The following FILIP1L variants were observed in gnomAD, a reference collection of about 807,000 sequenced individuals.
FILIP1L encodes the protein filamin A-interacting protein 1-like.
In FILIP1L, 55 loss-of-function variants were observed where a neutral mutation model predicts 96.6. The ratio of observed to expected loss-of-function variants is 0.57; its 90% CI spans 0.46 to 0.71. FILIP1L has a LOEUF of 0.71. Among genes scored for constraint, FILIP1L ranks in the 30% least tolerant of loss-of-function variants. FILIP1L has a pLI of 0.00. For synonymous variants in FILIP1L, 467 were observed against 473.9 expected (o/e 0.99, Z 0.19); for missense variants, 1,304 against 1,321.2 (o/e 0.99, Z 0.20).
At chr3:99,903,000 G>C (rs533857113) in intron 4 of FILIP1L, among the ~76,000 whole-genome samples, 2 of 152,132 alleles carry the variant, frequency 1.3e-5, no homozygotes, top group African/African-American at 4.8e-5. Flanking sequence ...GAGGTTTCAT[G>C]ATTAAGGATA....
intron 5 of FILIP1L, among the ~76,000 whole-genome samples, chr3:99,833,511 T>G (rs1942773113): frequency 6.6e-6 from 1 of 152,226 alleles, no homozygotes; most frequent in African/African-American, 2.4e-5. Flanking sequence ...TTCTTCCACT[T>G]TATCATGGAG....
At chr3:100,110,729 C>G (rs908835840) in intron 1 of FILIP1L, among the ~76,000 whole-genome samples, 2 of 152,132 alleles carry the variant, frequency 1.3e-5, no homozygotes, top group Non-Finnish European at 1.5e-5. Context: ...CCTGTGCTTA[C>G]CATTTTTCCA....
intron 1 of FILIP1L, among the ~76,000 whole-genome samples, chr3:100,101,909 T>C (rs924011345): frequency 2.0e-5 from 3 of 152,124 alleles, no homozygotes. Context: ...CTGAGAATGA[T>C]GGTTTCCAGC....
chr3:100,006,624 T>A (rs1709994972), intron 1 of FILIP1L, among the ~76,000 whole-genome samples: 1 of 151,994 alleles, frequency 6.6e-6, no homozygotes, highest in African/African-American at 2.4e-5. Context: ...ATGATGAGAA[T>A]TCAGCTCATT....
At chr3:100,042,986 A>G (rs1280565740) in intron 1 of FILIP1L, among the ~76,000 whole-genome samples, 3 of 152,270 alleles carry the variant, frequency 2.0e-5, no homozygotes, top group Non-Finnish European at 2.9e-5. Flanking sequence ...CATTCGCAGA[A>G]CAAGAGGGAT....
rs772112720 is a variant in FILIP1L at position 100,030,667 on chromosome 3, CCTT to C, written c.-11+83383_-11+83385del. On this transcript the variant is annotated intron_variant, in intron 1 of 5. Transcript: ENST00000477258. ...ATCATTGTCCCCACAACTAATTTAA[CCTT>C]CTACATTAAACCAGTATCCAATAAC... 2.0e-5 allele frequency among the ~76,000 whole-genome samples: 3 copies of C among 152,256 alleles called. No individual in the cohort carries two copies. The East Asian group carries it at 5.8e-4, about 29-fold the overall frequency.
chr3:100,003,796 T>TATTGAGATGCTAAAAGTCAA (rs1709910346), intron 1 of FILIP1L, among the ~76,000 whole-genome samples: 1 of 152,212 alleles, frequency 6.6e-6, no homozygotes, highest in Admixed American at 6.5e-5. Flanking sequence ...GTATATTTAT[T>TATTGAGATGCTAAAAGTCAA]GAGCAATAAC....
rs16846956 is a variant in FILIP1L, at chr3:99,889,770, A to G, written c.605+34460T>C. Among the ~76,000 whole-genome samples, 977 of 152,160 alleles carry G rather than the reference A, an allele frequency of 6.4e-3. 10 individuals carry two copies. Among genetic ancestry groups the G allele is most frequent in the African/African-American group, 0.022 (926 of 41,550 alleles). On this transcript the variant is annotated intron_variant, in intron 4 of 5. Coordinates refer to ENST00000477258, the MANE Select transcript of FILIP1L (RefSeq NM_001387850.1). ...TTCCATCTCACAAGTTAAATTCTCAAAAGTCTAAAGCTACTCAGTATATTA... is the reference window on the plus strand; with the variant it reads ...TTCCATCTCACAAGTTAAATTCTCAGAAGTCTAAAGCTACTCAGTATATTA...
chr3:100,054,102 C>T (rs2065420569), intron 1 of FILIP1L, among the ~76,000 whole-genome samples: 2 of 152,166 alleles, frequency 1.3e-5, no homozygotes, highest in South Asian at 4.1e-4. Context: ...AAAAGCTGGC[C>T]AAGGGTCAAA....
chr3:99,901,543 G>A (rs926001192), intron 4 of FILIP1L, among the ~76,000 whole-genome samples: 19 of 152,138 alleles, frequency 1.2e-4, no homozygotes, highest in Admixed American at 1.0e-3. Context: ...CCAGATGTTC[G>A]TCGGGAAAGC....
chr3:100,083,493 G>A (rs190064976), intron 1 of FILIP1L, among the ~76,000 whole-genome samples: 47 of 152,276 alleles, frequency 3.1e-4, no homozygotes, highest in African/African-American at 1.1e-3. Context: ...AATGCACAGC[G>A]AGATTTCAGA....
intron 1 of FILIP1L, chr3:100,041,241 T>C (rs1014120405): frequency 2.0e-5 from 3 of 152,184 alleles, no homozygotes; most frequent in Non-Finnish European, 2.9e-5. Context: ...CTACCTGTGT[T>C]CCAAGTTAAT....
At chr3:100,007,291 T>C (rs1168276586) in intron 1 of FILIP1L, among the ~76,000 whole-genome samples, 1 of 152,212 alleles carries the variant, frequency 6.6e-6, no homozygotes, top group Non-Finnish European at 1.5e-5. Flanking sequence ...GATGAAAATA[T>C]CTTATTTCCT....
chr3:99,988,719 T>TA (rs761472478), intron 1 of FILIP1L, among the ~76,000 whole-genome samples: 19 of 152,206 alleles, frequency 1.2e-4, no homozygotes, highest in Non-Finnish European at 1.3e-4. Context: ...CCTTTAAACA[T>TA]AAAAAAAGCA....
chr3:100,102,476 T>C lies in FILIP1L; in HGVS notation c.-11+11577A>G, dbSNP rs776800043. Among the ~76,000 whole-genome samples the C allele has an allele frequency of 2.2e-4, 33 of 152,368 alleles. 1 individual carries two copies. In the South Asian group the frequency reaches 3.3e-3, roughly 15 times the overall value. On this transcript the variant is annotated intron_variant, in intron 1 of 5. Coordinates refer to ENST00000477258, the MANE Select transcript of FILIP1L (RefSeq NM_001387850.1). ...GGATCCTCATCAGCGTGATTTCTGC[T>C]TCTCCACAGGTGTGAGATCTCTCTT...
intron 5 of FILIP1L, chr3:99,833,170 G>C (rs1200066289): frequency 1.4e-6 from 2 of 1,425,984 alleles, no homozygotes; most frequent in Non-Finnish European, 2.0e-6. Context: ...TTTAATAAAT[G>C]CTTAACCCAG....
At chr3:100,061,087 C>A (rs1175429768) in intron 1 of FILIP1L, among the ~76,000 whole-genome samples, 2 of 151,316 alleles carry the variant, frequency 1.3e-5, no homozygotes, top group African/African-American at 4.9e-5. Flanking sequence ...TAGATGTGCA[C>A]ATAGAAGTTG....
chr3:100,042,573 A>T (rs1023923910), intron 1 of FILIP1L, among the ~76,000 whole-genome samples: 1 of 152,230 alleles, frequency 6.6e-6, no homozygotes, highest in Non-Finnish European at 1.5e-5. Flanking sequence ...TTGGTAATCC[A>T]TGTATGGTTC....
chr3:99,917,785 C>T (rs774166966), intron 4 of FILIP1L, among the ~76,000 whole-genome samples: 5 of 152,120 alleles, frequency 3.3e-5, no homozygotes, highest in Non-Finnish European at 7.4e-5. Flanking sequence ...AATGGATGTA[C>T]AGATTTGGAT....
Sources: allele counts gnomAD v4.1 joint callset (sites outside exome capture counted in the v4.1 genomes callset), GRCh38; gene constraint gnomAD v4.1.1; transcripts MANE v1.5; gene names NCBI Gene and HGNC (gene_info 2026-07-23, HGNC 2026-07-21).